Variants in PCDHGC5 observed in about 807,000 individuals in gnomAD.
PCDHGC5 encodes protocadherin gamma-C5.
PCDHGC5 carries 25 observed loss-of-function variants against 59.0 expected under a neutral mutation model. That is an observed-to-expected ratio of 0.42 (90% CI 0.31 to 0.59). The LOEUF is 0.59. Among genes scored for constraint, PCDHGC5 ranks in the 20% least tolerant of loss-of-function variants. PCDHGC5 has a pLI of 0.13. For synonymous variants in PCDHGC5, 434 were observed against 505.5 expected, an observed-to-expected ratio of 0.86 and a Z score of 1.90; for missense variants, 1,067 against 1,206.4, an observed-to-expected ratio of 0.88 and a Z score of 1.71.
At position 141,511,148 on chromosome 5, in the gene PCDHGC5, A is replaced by C; in HGVS notation, c.2810A>C (p.Lys937Thr). Residue 937 changes from lysine to threonine, a missense_variant, in exon 4 of 4, where the codon AAG (lysine) becomes ACG (threonine). Coordinates refer to ENST00000252087, the MANE Select transcript of PCDHGC5 (RefSeq NM_018929.3). ...APAGGNGNKKKSGKKEKK is the reference protein window; with the variant it reads ...APAGGNGNKKTSGKKEKK ...GCAGGTGGCAATGGCAACAAGAAGA[A>C]GTCGGGCAAGAAGGAGAAGAAGTAA... is the stretch of plus-strand genomic sequence containing the variant. The C allele has an allele frequency of 6.2e-7, 1 of 1,614,202 alleles. No individual in the cohort carries two copies. Among genetic ancestry groups the C allele is most frequent in the East Asian group, 2.2e-5 (1 of 44,882 alleles).
chr5:141,505,513 G>A lies in PCDHGC5; in HGVS notation c.2608+32G>A, dbSNP rs1157816684. ...GGTGTCAGTGTGTGTATGGAAGAGT[G>A]GGAGACCTGGGGTTCTGGGGTGCAT... On this transcript the variant is annotated intron_variant, in intron 3 of 3. Coordinates refer to ENST00000252087, the MANE Select transcript of PCDHGC5 (RefSeq NM_018929.3). The A allele has an allele frequency of 3.1e-6, 5 of 1,613,710 alleles. No homozygotes were observed. In the South Asian group the frequency reaches 3.3e-5, roughly 11 times the overall value.
Position 141,511,309 on chromosome 5 carries a change from G to C in PCDHGC5, c.*136G>C. The stretch of plus-strand genomic sequence containing the variant: ...GGGGCCAAGGCCATGCTCCCCTTGG[G>C]AAACAGAAACAAGTGCCCAGTCAGC... On this transcript the variant is annotated 3_prime_UTR_variant, in exon 4 of 4. Coordinates refer to ENST00000252087, the MANE Select transcript of PCDHGC5 (RefSeq NM_018929.3). 4.0e-6 allele frequency: 6 copies of C among 1,485,470 alleles called. No homozygotes were observed. Among genetic ancestry groups the C allele is most frequent in the Non-Finnish European group, 4.5e-6 (5 of 1,113,432 alleles). 92.0% of individuals were successfully genotyped at this position (1,485,470 alleles called of 1,614,324 possible).
In PCDHGC5 at chr5:141,512,443, CCTT is replaced by C. The variant is rs1263805618; in HGVS notation, c.*1272_*1274del. On this transcript the variant is annotated 3_prime_UTR_variant, in exon 4 of 4. Coordinates refer to ENST00000252087, the MANE Select transcript of PCDHGC5 (RefSeq NM_018929.3). ...GCCCCTGCCCTCCTGAAGCCTCAGT[CCTT>C]CACCTTGCCAGGTGCCGTTTCTCTT... The C allele has an allele frequency of 1.3e-5, 2 of 152,896 alleles. No homozygotes were observed. The highest frequency in any genetic ancestry group is 4.8e-5 in the African/African-American group (2 of 41,468). 9.5% of individuals were successfully genotyped at this position (152,896 alleles called of 1,614,324 possible).
intron 2 of PCDHGC5, among the ~76,000 whole-genome samples, chr5:141,503,393 G>A (rs954734829): frequency 2.0e-5 from 3 of 151,824 alleles, no homozygotes; most frequent in African/African-American, 4.8e-5. Flanking sequence ...TCAGGAGTTC[G>A]AAACCAACCT....
rs144789830 is a variant in PCDHGC5 at position 141,503,198 on chromosome 5, C to T, written c.2520-2195C>T. Among the ~76,000 whole-genome samples the T allele has an allele frequency of 3.7e-3, 561 of 152,172 alleles. 5 individuals carry two copies. Among genetic ancestry groups the T allele is most frequent in the Admixed American group, 0.011 (164 of 15,268 alleles). ...TATTGTGTAATTATTTAAAATCAGC[C>T]TCTCAGTGCCCACCATGAGCACCGT... On this transcript the variant is annotated intron_variant, in intron 2 of 3. Coordinates refer to ENST00000252087, the MANE Select transcript of PCDHGC5 (RefSeq NM_018929.3).
chr5:141,493,141 C>T lies in PCDHGC5; in HGVS notation c.2460+1441C>T, dbSNP rs1327581425. On this transcript the variant is annotated intron_variant, in intron 1 of 3. Coordinates refer to ENST00000252087, the MANE Select transcript of PCDHGC5 (RefSeq NM_018929.3). This position sits in a 1 kb window ranked among gnomAD's most constrained non-coding sequence, Gnocchi z 4.3. ...CTCCTAGGACTGTATTTTGAAACAC[C>T]CCCAGGTGATTTTGATAGCTGATTG... Among the ~76,000 whole-genome samples the T allele has an allele frequency of 1.4e-5, 2 of 146,284 alleles. No homozygotes were observed. Among genetic ancestry groups the T allele is most frequent in the East Asian group, 2.0e-4 (1 of 5,022 alleles).
intron 1 of PCDHGC5, among the ~76,000 whole-genome samples, chr5:141,492,996 AG>A: frequency 6.6e-6 from 1 of 152,348 alleles, no homozygotes; most frequent in Admixed American, 6.5e-5. Flanking sequence ...GCAGATGGAA[AG>A]CTATAGGCTC....
In PCDHGC5 at chr5:141,511,599, C is replaced by G; in HGVS notation, c.*426C>G. 4.0e-6 allele frequency: 1 copy of G among 252,540 alleles called. No homozygotes were observed. Among genetic ancestry groups the G allele is most frequent in the South Asian group, 5.2e-5 (1 of 19,398 alleles). 15.6% of individuals were successfully genotyped at this position (252,540 alleles called of 1,614,324 possible). ...GTTGGGGTGTTGAAGTACCAAGTAA[C>G]CTACAAGCCTCCTAGTTCTGAAAAG... On this transcript the variant is annotated 3_prime_UTR_variant, in exon 4 of 4. Coordinates refer to ENST00000252087, the MANE Select transcript of PCDHGC5 (RefSeq NM_018929.3).
At position 141,511,516 on chromosome 5, in the gene PCDHGC5, T is replaced by A. The variant is rs2099883825; in HGVS notation, c.*343T>A. ...CTTCCAAATCAATCAGGCCCATCCA[T>A]CCCATGCCTCCCTCCTCCCCACCCC... is the stretch of plus-strand genomic sequence containing the variant. On this transcript the variant is annotated 3_prime_UTR_variant, in exon 4 of 4. Transcript: ENST00000252087. 1 of 365,020 alleles carries A rather than the reference T, an allele frequency of 2.7e-6. No individual in the cohort carries two copies. Among genetic ancestry groups the A allele is most frequent in the Admixed American group, 4.0e-5 (1 of 25,162 alleles). The allele number at this position is 365,020 out of a possible 1,614,324, so 22.6% of individuals were successfully genotyped here.
rs1309124846 is a variant in PCDHGC5, at chr5:141,491,295, T to C, written c.2055T>C (p.Pro685=). Residue 685 remains proline (P), a synonymous_variant, in exon 1 of 4, where the codon CCT becomes CCC. Coordinates refer to ENST00000252087, the MANE Select transcript of PCDHGC5 (RefSeq NM_018929.3). This position sits in a 1 kb window ranked among gnomAD's most constrained non-coding sequence, Gnocchi z 6.9. ...PKSSDFLIHP[P]ERSDLTLYLI... ...CCAGTGACTTCCTCATACACCCTCC[T>C]GAGCGTTCAGACCTTACCCTTTACC... The C allele has an allele frequency of 6.2e-7, 1 of 1,614,176 alleles. No homozygotes were observed. Among genetic ancestry groups the C allele is most frequent in the Non-Finnish European group, 8.5e-7 (1 of 1,179,994 alleles).
In PCDHGC5 at chr5:141,489,911, G is replaced by A; in HGVS notation, c.671G>A (p.Gly224Glu). The change falls in exon 1 of 4, where the codon GGG (glycine) becomes GAG (glutamate). Residue 224 changes from glycine to glutamate, a missense_variant. Transcript: ENST00000252087. The surrounding 1 kb of genome is among the most constrained non-coding windows in gnomAD (Gnocchi z 4.5). ...GATGGGGGGACCCCAGCCCGCTCAG[G>A]GACCACCCTTATCTCTGTCATCGTG... ...AVDGGTPARS[G>E]TTLISVIVLD... 3.7e-6 allele frequency: 6 copies of A among 1,614,198 alleles called. No individual in the cohort carries two copies. Among genetic ancestry groups the A allele is most frequent in the Non-Finnish European group, 5.1e-6 (6 of 1,180,042 alleles).
In PCDHGC5 at chr5:141,491,425, C is replaced by CA; in HGVS notation, c.2186dup (p.Cys730ValfsTer14). The CA allele has an allele frequency of 6.2e-7, 1 of 1,614,076 alleles. No homozygotes were observed. The highest frequency in any genetic ancestry group is 8.5e-7 in the Non-Finnish European group (1 of 1,179,996). On this transcript the variant is annotated frameshift_variant, in exon 1 of 4. Coordinates refer to ENST00000252087, the MANE Select transcript of PCDHGC5 (RefSeq NM_018929.3). LOFTEE classifies it high-confidence loss of function. The surrounding 1 kb of genome is among the most constrained non-coding windows in gnomAD (Gnocchi z 6.9). ...CGCAGACGGGGACGGGGGTGGAGGG[C>CA]AGTGCTGCAGGCGCCAGGACTCACC...
rs1349935659 is a variant in PCDHGC5 at position 141,507,722 on chromosome 5, A to C, written c.2608+2241A>C. 6.6e-5 allele frequency among the ~76,000 whole-genome samples: 10 copies of C among 152,354 alleles called. No homozygotes were observed. In the East Asian group the frequency reaches 1.9e-3, roughly 29 times the overall value. ...ATTTATGGCCCCAAACCCTCCAAGC[A>C]AGTCATGCAGCTCGTTCCCCTGTCA... On this transcript the variant is annotated intron_variant, in intron 3 of 3. Coordinates refer to ENST00000252087, the MANE Select transcript of PCDHGC5 (RefSeq NM_018929.3).
At chr5:141,506,444 C>CAAA (rs1219684339) in intron 3 of PCDHGC5, among the ~76,000 whole-genome samples, 2 of 95,018 alleles carry the variant, frequency 2.1e-5, no homozygotes, top group African/African-American at 7.9e-5. Context: ...CGCTCTGTCT[C>CAAA]AAAAAAAAAA....
intron 2 of PCDHGC5, among the ~76,000 whole-genome samples, chr5:141,504,143 C>A (rs2099835975): frequency 6.6e-6 from 1 of 152,136 alleles, no homozygotes; most frequent in Non-Finnish European, 1.5e-5. Flanking sequence ...CACTCCCCTG[C>A]AAATTGAAAT....
Position 141,491,589 on chromosome 5 carries a change from C to T in PCDHGC5, c.2349C>T (p.Asp783=). 6.2e-7 allele frequency: 1 copy of T among 1,613,926 alleles called. No homozygotes were observed. The highest frequency in any genetic ancestry group is 8.5e-7 in the Non-Finnish European group (1 of 1,180,024). The part of the protein sequence containing the change: ...CYRTCFSPAS[D]GSDFTFLRPL... ...GGACGTGCTTTTCACCGGCCTCGGA[C>T]GGCAGTGACTTCACTTTTCTAAGAC... The change falls in exon 1 of 4, where the codon GAC becomes GAT. Residue 783 remains aspartate, a synonymous_variant. Transcript: ENST00000252087. This position sits in a 1 kb window ranked among gnomAD's most constrained non-coding sequence, Gnocchi z 6.9.
rs2099884413 is a variant in PCDHGC5, at chr5:141,512,781, G to A, written c.*1608G>A. ...CCTTGATCTGCCCGCGGCGGCCCGT[G>A]TTGTGTTTTGTGCTGTGTCCACGCG... is the stretch of plus-strand genomic sequence containing the variant. On this transcript the variant is annotated 3_prime_UTR_variant, in exon 4 of 4. Transcript: ENST00000252087. 1 of 152,534 alleles carries A rather than the reference G, an allele frequency of 6.6e-6. No individual in the cohort carries two copies. Among genetic ancestry groups the A allele is most frequent in the African/African-American group, 2.4e-5 (1 of 41,444 alleles). 9.4% of individuals were successfully genotyped at this position (152,534 alleles called of 1,614,324 possible). A position where few individuals can be genotyped will look rare whatever the true frequency, so the allele number is the denominator to read the frequency against.
chr5:141,500,497 C>T (rs1214550546), intron 2 of PCDHGC5, among the ~76,000 whole-genome samples: 1 of 152,174 alleles, frequency 6.6e-6, no homozygotes, highest in Non-Finnish European at 1.5e-5. Context: ...GCGTGAGCCA[C>T]CGCGCCTGGC....
At chr5:141,510,879 G>T in intron 3 of PCDHGC5, 68 bp from the exon 4 acceptor site, 1 of 1,611,520 alleles carries the variant, frequency 6.2e-7, no homozygotes, top group Non-Finnish European at 8.5e-7. Flanking sequence ...TAACTGCTGG[G>T]GATATAAGAC....
Sources: gnomAD v4.1 joint callset for allele counts (sites outside exome capture counted in the v4.1 genomes callset) on GRCh38, gnomAD v4.1.1 for gene constraint, Gnocchi (gnomAD v3.1) non-coding constraint, MANE v1.5 for transcripts, NCBI Gene and HGNC (gene_info 2026-07-23, HGNC 2026-07-21) for gene names.